The following FGD6 variants were observed in gnomAD, a reference collection of about 807,000 sequenced individuals.
The protein encoded by FGD6 is FYVE, RhoGEF and PH domain containing 6.
FGD6 carries 90 observed loss-of-function variants against 149.4 expected under a neutral mutation model. The observed-to-expected ratio is 0.60, with a 90% confidence interval of 0.51 to 0.72. The LOEUF is 0.72. FGD6 is among the 30% of genes least tolerant of loss of function. The pLI is 0.00. For synonymous variants in FGD6, 527 were observed against 584.0 expected, an observed-to-expected ratio of 0.90 and a Z score of 1.41; for missense variants, 1,437 against 1,684.8, an observed-to-expected ratio of 0.85 and a Z score of 2.57.
intron 19 of FGD6, among the ~76,000 whole-genome samples, chr12:95,085,039 G>T (rs972000062): frequency 2.0e-5 from 3 of 152,252 alleles, no homozygotes; most frequent in Admixed American, 6.5e-5. Context: ...TAGGATGGTG[G>T]AACACAGGGT....
At chr12:95,141,241 A>G in intron 6 of FGD6, 147 bp downstream of exon 6, 1 of 913,292 alleles carries the variant, frequency 1.1e-6, no homozygotes, top group Non-Finnish European at 1.6e-6. Flanking sequence ...AAAACAAACA[A>G]AACAAAATCA....
chr12:95,148,279 A>C (rs1880072373), intron 5 of FGD6, among the ~76,000 whole-genome samples: 1 of 45,970 alleles, frequency 2.2e-5, no homozygotes, highest in Non-Finnish European at 3.5e-5. Context: ...TCCTTTTACA[A>C]TGCAAAAAAA....
intron 20 of FGD6, among the ~76,000 whole-genome samples, chr12:95,081,914 G>A (rs1031991846): frequency 2.0e-5 from 3 of 151,718 alleles, no homozygotes; most frequent in Non-Finnish European, 4.4e-5. Context: ...TCATGTGATC[G>A]GCCTGCCTCG....
chr12:95,173,499 C>T (rs571176794), intron 2 of FGD6, among the ~76,000 whole-genome samples: 6 of 152,200 alleles, frequency 3.9e-5, no homozygotes, highest in East Asian at 1.9e-4. Flanking sequence ...TTCCTCCTTG[C>T]CAGCCTGATA....
chr12:95,203,623 G>A (rs1193954381), intron 2 of FGD6, among the ~76,000 whole-genome samples: 8 of 152,162 alleles, frequency 5.3e-5, no homozygotes, highest in Admixed American at 5.2e-4. Context: ...AAGTTCCTTG[G>A]GAGTAGGCAT....
Position 95,186,182 on chromosome 12 carries a change from G to T in FGD6, c.2442-13438C>A, listed in dbSNP as rs1200237368. ...ATTAGGCAAATCTAACCTGCTGCCT[G>T]TTTTTGTAAGGTCTATGAGCTAAGA... On this transcript the variant is annotated intron_variant, in intron 2 of 20. Coordinates refer to ENST00000343958, the MANE Select transcript of FGD6 (RefSeq NM_018351.4). Among the ~76,000 whole-genome samples the T allele has an allele frequency of 3.9e-5, 5 of 128,390 alleles. No homozygotes were observed. The South Asian group carries it at 1.3e-3, about 34-fold the overall frequency. The allele number at this position is 128,390 out of a possible 152,430, so 84.2% of individuals were successfully genotyped here. A position where few individuals can be genotyped will look rare whatever the true frequency, so the allele number is the denominator to read the frequency against.
At chr12:95,116,906 A>G (rs1259894114) in intron 8 of FGD6, 3 of 455,936 alleles carry the variant, frequency 6.6e-6, no homozygotes, top group African/African-American at 6.0e-5. Flanking sequence ...TAACTGCAGC[A>G]TAAGAATGTG....
chr12:95,096,334 A>G (rs1175133245), intron 14 of FGD6, among the ~76,000 whole-genome samples: 2 of 152,182 alleles, frequency 1.3e-5, no homozygotes, highest in Admixed American at 6.5e-5. Context: ...CGCCTCCCTA[A>G]TCCATGGCTT....
rs377249521 is a variant in FGD6, at chr12:95,107,165, T to C, written c.3334-128A>G. 3.4e-5 allele frequency: 23 copies of C among 669,592 alleles called. No homozygotes were observed. The African/African-American group carries it at 3.7e-4, about 11-fold the overall frequency. The allele number at this position is 669,592 out of a possible 1,614,324, so 41.5% of individuals were successfully genotyped here. A position where few individuals can be genotyped will look rare whatever the true frequency, so the allele number is the denominator to read the frequency against. On this transcript the variant is annotated intron_variant, in intron 12 of 20. Transcript: ENST00000343958. ...AATAGCTCTCTGAATAAAATACTTA[T>C]ATTCTGCTATATACACTAGAACTAC...
In FGD6 at chr12:95,116,902, C is replaced by T. The variant is rs1282234658; in HGVS notation, c.3083-3201G>A. The T allele has an allele frequency of 1.3e-5, 6 of 455,866 alleles. 1 individual carries two copies. 28.2% of individuals were successfully genotyped at this position (455,866 alleles called of 1,614,324 possible). A position where few individuals can be genotyped will look rare whatever the true frequency, so the allele number is the denominator to read the frequency against. ...TAAGAATCACCTGGGGCCTTAACTG[C>T]AGCATAAGAATGTGACTGATCACCC... On this transcript the variant is annotated intron_variant, in intron 8 of 20. Transcript: ENST00000343958.
chr12:95,095,767 A>G (rs1379885800), intron 14 of FGD6, among the ~76,000 whole-genome samples: 2 of 152,118 alleles, frequency 1.3e-5, no homozygotes, highest in African/African-American at 4.8e-5. Context: ...TAATCCCAAC[A>G]CTTTGGGAGG....
chr12:95,116,861 G>A lies in FGD6; in HGVS notation c.3083-3160C>T, dbSNP rs577616229. The A allele has an allele frequency of 8.8e-6, 4 of 455,922 alleles. No individual in the cohort carries two copies. In the East Asian group the frequency reaches 2.1e-4, roughly 24 times the overall value. The allele number at this position is 455,922 out of a possible 1,614,324, so 28.2% of individuals were successfully genotyped here. Reference sequence around the variant, plus strand: ...ACCTTGGCAAAGAGAGCAGGGCCTGGATCTCCTTAAACAGTTAAGAATCAC... The same window carrying A: ...ACCTTGGCAAAGAGAGCAGGGCCTGAATCTCCTTAAACAGTTAAGAATCAC... On this transcript the variant is annotated intron_variant, in intron 8 of 20. Transcript: ENST00000343958.
Position 95,086,478 on chromosome 12 carries a change from A to C in FGD6, c.3979-570T>G, listed in dbSNP as rs796460474. Among the ~76,000 whole-genome samples the C allele has an allele frequency of 9.9e-5, 15 of 152,032 alleles. 1 individual carries two copies. Among genetic ancestry groups the C allele is most frequent in the African/African-American group, 3.6e-4 (15 of 41,518 alleles). ...TAATTTTTACTTCATAAAAAGTTGA[A>C]AATGTTTTCATCTCTATGCAAAAAG... On this transcript the variant is annotated intron_variant, in intron 18 of 20. Transcript: ENST00000343958.
chr12:95,086,841 G>A (rs1241640128), intron 18 of FGD6, among the ~76,000 whole-genome samples: 5 of 116,612 alleles, frequency 4.3e-5, no homozygotes, highest in African/African-American at 6.5e-5. Context: ...CCACCACACC[G>A]GCCTTTTTTT....
chr12:95,186,811 G>C (rs1881449862), intron 2 of FGD6, among the ~76,000 whole-genome samples: 1 of 152,118 alleles, frequency 6.6e-6, no homozygotes, highest in South Asian at 2.1e-4. Context: ...GTTCGAATCC[G>C]AGTTCTGCCA....
At chr12:95,127,702 G>A (rs1879387611) in intron 8 of FGD6, among the ~76,000 whole-genome samples, 2 of 152,080 alleles carry the variant, frequency 1.3e-5, no homozygotes, top group Non-Finnish European at 2.9e-5. Flanking sequence ...CTAAAACCTA[G>A]AGGCAGTTAA....
intron 15 of FGD6, 64 bp downstream of exon 15, chr12:95,094,528 T>G: frequency 1.8e-6 from 2 of 1,109,530 alleles, no homozygotes; most frequent in Non-Finnish European, 1.3e-6. Flanking sequence ...TAAACCCCTG[T>G]GAAATGTTTA....
intron 1 of FGD6, among the ~76,000 whole-genome samples, chr12:95,213,438 T>A (rs1443840398): frequency 6.6e-6 from 1 of 152,148 alleles, no homozygotes; most frequent in Non-Finnish European, 1.5e-5. Flanking sequence ...AATAGTTTCG[T>A]AAAATGAAGA....
At chr12:95,214,874 T>C (rs951068263) in intron 1 of FGD6, among the ~76,000 whole-genome samples, 1 of 149,608 alleles carries the variant, frequency 6.7e-6, no homozygotes, top group Non-Finnish European at 1.5e-5. Flanking sequence ...TTTTTTTTTT[T>C]TTTTTTGAGA....
Sources: allele counts gnomAD v4.1 joint callset (sites outside exome capture counted in the v4.1 genomes callset), GRCh38; gene constraint gnomAD v4.1.1; transcripts MANE v1.5; gene names NCBI Gene and HGNC (gene_info 2026-07-23, HGNC 2026-07-21).